Variants in CSMD1 observed in about 807,000 individuals in gnomAD.
CSMD1 encodes the protein CUB and Sushi multiple domains 1, also known as CUB and sushi domain-containing protein 1.
Under a neutral mutation model 417.5 loss-of-function variants are expected in CSMD1, and 213 were observed. The ratio of observed to expected loss-of-function variants is 0.51; its 90% CI spans 0.46 to 0.57. CSMD1 has a LOEUF of 0.57. Among genes scored for constraint, CSMD1 ranks in the 20% least tolerant of loss-of-function variants. The probability of loss-of-function intolerance (pLI) is 0.00; values close to 1 mark genes in which losing one functional copy is unlikely to be tolerated. For missense variants in CSMD1, 6,923 were observed against 4,529.7 expected, an observed-to-expected ratio of 1.53 and a Z score of -15.17; for synonymous variants, 2,862 against 1,736.8, an observed-to-expected ratio of 1.65 and a Z score of -16.11.
chr8:3,292,247 C>G (rs936665932), intron 25 of CSMD1, among the ~76,000 whole-genome samples: 1 of 152,078 alleles, frequency 6.6e-6, no homozygotes, highest in Non-Finnish European at 1.5e-5. Context: ...TTACTTCCAA[C>G]TATGTGGTCA....
At chr8:4,136,478 G>T (rs899280256) in intron 3 of CSMD1, among the ~76,000 whole-genome samples, 1 of 152,128 alleles carries the variant, frequency 6.6e-6, no homozygotes, top group African/African-American at 2.4e-5. Context: ...GCAAACCAAA[G>T]AACTGGATGC....
intron 2 of CSMD1, among the ~76,000 whole-genome samples, chr8:4,623,115 C>G (rs1010493135): frequency 3.3e-5 from 5 of 152,048 alleles, no homozygotes; most frequent in Non-Finnish European, 7.4e-5. Flanking sequence ...GAACTCGAAT[C>G]TGGAATATTT....
Position 4,458,028 on chromosome 8 carries a change from TC to T in CSMD1, c.303-37964del, listed in dbSNP as rs1412319725. 4.6e-5 allele frequency among the ~76,000 whole-genome samples: 7 copies of T among 152,266 alleles called. No individual in the cohort carries two copies. In the East Asian group the frequency reaches 1.4e-3, roughly 29 times the overall value. Reference sequence around the variant, plus strand: ...GACTTCTCCCTATATCCGGTATTCCTCTATTCTTTAAAATTCCTTTTACCCC... The same window carrying T: ...GACTTCTCCCTATATCCGGTATTCCTTATTCTTTAAAATTCCTTTTACCCC... On this transcript the variant is annotated intron_variant, in intron 2 of 69. Coordinates refer to ENST00000635120, the MANE Select transcript of CSMD1 (RefSeq NM_033225.6).
intron 3 of CSMD1, among the ~76,000 whole-genome samples, chr8:4,321,716 A>C (rs1265468102): frequency 1.3e-5 from 2 of 152,322 alleles, no homozygotes; most frequent in Non-Finnish European, 1.5e-5. Flanking sequence ...TTTGTTGATT[A>C]AAGTTTCCAA....
chr8:4,486,977 A>C (rs566228533), intron 2 of CSMD1, among the ~76,000 whole-genome samples: 3 of 152,280 alleles, frequency 2.0e-5, no homozygotes, highest in Admixed American at 2.0e-4. Flanking sequence ...TGCACAGCTG[A>C]CGGCTACACA....
At chr8:3,839,024 A>G (rs1802918733) in intron 5 of CSMD1, among the ~76,000 whole-genome samples, 1 of 128,078 alleles carries the variant, frequency 7.8e-6, no homozygotes, top group African/African-American at 2.9e-5. Context: ...ATATGTTGAT[A>G]TTATATATAT....
intron 49 of CSMD1, among the ~76,000 whole-genome samples, chr8:3,066,492 C>T (rs6993396): frequency 0.5 from 76,467 of 152,062 alleles, 21,561 homozygotes; most frequent in African/African-American, 0.78. Flanking sequence ...GTAAAATGAA[C>T]TGACGACATG....
chr8:4,138,253 T>G (rs1172518653), intron 3 of CSMD1, among the ~76,000 whole-genome samples: 1 of 150,424 alleles, frequency 6.6e-6, no homozygotes, highest in Non-Finnish European at 1.5e-5. Flanking sequence ...GGTTTTCCTT[T>G]TCTCCTGGCT....
intron 3 of CSMD1, among the ~76,000 whole-genome samples, chr8:4,354,265 A>G (rs1486628106): frequency 6.7e-6 from 1 of 148,482 alleles, no homozygotes; most frequent in Non-Finnish European, 1.5e-5. Flanking sequence ...TCACGGTGTT[A>G]TTTTATGACA....
At chr8:3,376,470 A>G (rs1313632538) in intron 18 of CSMD1, among the ~76,000 whole-genome samples, 1 of 152,046 alleles carries the variant, frequency 6.6e-6, no homozygotes, top group East Asian at 1.9e-4. Flanking sequence ...AGATAATTAA[A>G]ATTTACAATG....
At chr8:4,727,490 G>C (rs1002918678) in intron 1 of CSMD1, among the ~76,000 whole-genome samples, 4 of 152,102 alleles carry the variant, frequency 2.6e-5, no homozygotes, top group Non-Finnish European at 5.9e-5. Flanking sequence ...AGAATGATTT[G>C]GCACTTTCAA....
intron 8 of CSMD1, among the ~76,000 whole-genome samples, chr8:3,609,811 CTTTTT>C (rs71534362): frequency 9.3e-5 from 7 of 75,274 alleles, no homozygotes; most frequent in South Asian, 6.5e-4. Flanking sequence ...AGTATCTTCC[CTTTTT>C]TTTTTTTTTT....
chr8:4,682,461 A>G (rs1166434763), intron 1 of CSMD1, among the ~76,000 whole-genome samples: 2 of 152,192 alleles, frequency 1.3e-5, no homozygotes, highest in Admixed American at 6.5e-5. Context: ...CATAGGAATA[A>G]TATTTCTATA....
chr8:4,067,947 C>T lies in CSMD1; in HGVS notation c.416-35848G>A, dbSNP rs568384915. ...CAAAAATTAACTGGGCATGGTGGTGCGCTCCTGTAATCCCAGCTACTTGGG... is the reference window on the plus strand; with the variant it reads ...CAAAAATTAACTGGGCATGGTGGTGTGCTCCTGTAATCCCAGCTACTTGGG... On this transcript the variant is annotated intron_variant, in intron 3 of 69. Coordinates refer to ENST00000635120, the MANE Select transcript of CSMD1 (RefSeq NM_033225.6). 1.6e-4 allele frequency among the ~76,000 whole-genome samples: 25 copies of T among 152,102 alleles called. No individual in the cohort carries two copies. The East Asian group carries it at 3.5e-3, about 21-fold the overall frequency.
At chr8:3,319,102 G>C (rs992683510) in intron 23 of CSMD1, among the ~76,000 whole-genome samples, 1 of 152,060 alleles carries the variant, frequency 6.6e-6, no homozygotes, top group African/African-American at 2.4e-5. Flanking sequence ...TATGTGTCTT[G>C]CATCCAGATA....
At chr8:4,393,239 G>A (rs1490744892) in intron 3 of CSMD1, among the ~76,000 whole-genome samples, 1 of 151,972 alleles carries the variant, frequency 6.6e-6, no homozygotes, top group East Asian at 1.9e-4. Context: ...GCCTCCCAAA[G>A]TGCTGGGATT....
intron 18 of CSMD1, among the ~76,000 whole-genome samples, chr8:3,378,083 A>T (rs1389851969): frequency 6.6e-6 from 1 of 152,176 alleles, no homozygotes; most frequent in Admixed American, 6.6e-5. Flanking sequence ...GAAGAAGGGT[A>T]TTGAATATTG....
At chr8:3,177,348 G>C (rs1050344505) in intron 37 of CSMD1, among the ~76,000 whole-genome samples, 1 of 152,196 alleles carries the variant, frequency 6.6e-6, no homozygotes, top group Non-Finnish European at 1.5e-5. Flanking sequence ...CCCCAGTGCA[G>C]AGGCTCTGTG....
chr8:4,977,885 A>T (rs1318253141), intron 1 of CSMD1, among the ~76,000 whole-genome samples: 1 of 152,216 alleles, frequency 6.6e-6, no homozygotes, highest in African/African-American at 2.4e-5. Context: ...ATCAATACTT[A>T]ATCAACTCAT....
Sources: gnomAD v4.1 joint callset for allele counts (sites outside exome capture counted in the v4.1 genomes callset) on GRCh38, gnomAD v4.1.1 for gene constraint, MANE v1.5 for transcripts, NCBI Gene and HGNC (gene_info 2026-07-23, HGNC 2026-07-21) for gene names.